Variants in ATAD3B observed in about 807,000 individuals in gnomAD.
The protein encoded by ATAD3B is ATPase family AAA domain-containing protein 3B.
A neutral mutation model predicts 70.2 loss-of-function variants in ATAD3B; 59 were observed. The ratio of observed to expected loss-of-function variants is 0.84; its 90% CI spans 0.68 to 1.04. ATAD3B has a LOEUF of 1.04. Ranked by LOEUF, ATAD3B falls within the 50% of genes least tolerant of loss-of-function variation. ATAD3B has a pLI of 0.00. For missense variants in ATAD3B, 961 were observed against 913.4 expected (o/e 1.05, Z -0.67); for synonymous variants, 423 against 388.6 (o/e 1.09, Z -1.04).
the ATAD3B span, among the ~76,000 whole-genome samples, chr1:1,504,859 T>C: frequency 6.6e-6 from 1 of 152,064 alleles, no homozygotes; most frequent in Non-Finnish European, 1.5e-5. Context: ...ACAAGGATGC[T>C]CATCCTGCAC....
chr1:1,495,979 G>A lies in ATAD3B; in HGVS notation c.*162G>A. 3 of 1,381,320 alleles carry A rather than the reference G, an allele frequency of 2.2e-6. 1 individual carries two copies. Among genetic ancestry groups the A allele is most frequent in the Non-Finnish European group, 2.8e-6 (3 of 1,069,756 alleles). The allele number at this position is 1,381,320 out of a possible 1,614,324, so 85.6% of individuals were successfully genotyped here. A position where few individuals can be genotyped will look rare whatever the true frequency, so the allele number is the denominator to read the frequency against. On this transcript the variant is annotated 3_prime_UTR_variant, in exon 16 of 16. Coordinates refer to ENST00000673477, the MANE Select transcript of ATAD3B (RefSeq NM_031921.6). ...TGGCTGAGCCCCTGGGGCAGAAGGA[G>A]TGGGGCAGGCGGGGTCTTTGTTCTC...
chr1:1,482,832 C>T, intron 7 of ATAD3B: 1 of 673,294 alleles, frequency 1.5e-6, no homozygotes, highest in Non-Finnish European at 2.6e-6. Flanking sequence ...GGTGAGACCC[C>T]ATCTCTACGA....
the ATAD3B span, among the ~76,000 whole-genome samples, chr1:1,504,303 A>C: frequency 6.6e-6 from 1 of 151,932 alleles, no homozygotes; most frequent in Non-Finnish European, 1.5e-5. Flanking sequence ...TTCAGTCCTG[A>C]GTTCACAGGC....
In ATAD3B at chr1:1,496,005, G is replaced by A. The variant is rs566186657; in HGVS notation, c.*188G>A. 7 of 1,350,828 alleles carry A rather than the reference G, an allele frequency of 5.2e-6. No homozygotes were observed. Among genetic ancestry groups the A allele is most frequent in the Admixed American group, 6.4e-5 (2 of 31,420 alleles). The allele number at this position is 1,350,828 out of a possible 1,614,324, so 83.7% of individuals were successfully genotyped here. On this transcript the variant is annotated 3_prime_UTR_variant, in exon 16 of 16. Transcript: ENST00000673477. ...TGGGGCAGGCGGGGTCTTTGTTCTCGGCTCCCACAGCAGAGCCAGGTGAGG... is the reference window on the plus strand; with the variant it reads ...TGGGGCAGGCGGGGTCTTTGTTCTCAGCTCCCACAGCAGAGCCAGGTGAGG...
At chr1:1,478,176 T>C (rs1639696555) in intron 2 of ATAD3B, 1 of 271,376 alleles carries the variant, frequency 3.7e-6, no homozygotes, top group South Asian at 5.3e-5. Context: ...TTTGTATTTT[T>C]AGTAGAGAAG....
rs577020592 is a variant in ATAD3B at position 1,479,847 on chromosome 1, G to A, written c.444+739G>A. Among the ~76,000 whole-genome samples the A allele has an allele frequency of 1.3e-4, 13 of 101,180 alleles. No individual in the cohort carries two copies. In the East Asian group the frequency reaches 3.2e-3, roughly 25 times the overall value. The allele number at this position is 101,180 out of a possible 152,430, so 66.4% of individuals were successfully genotyped here. ...ATACCCCTTCACACAGGCACACACC[G>A]CCCCGCACACACGGGCCTGCACACA... On this transcript the variant is annotated intron_variant, in intron 4 of 15. Coordinates refer to ENST00000673477, the MANE Select transcript of ATAD3B (RefSeq NM_031921.6).
chr1:1,506,014 C>G, the ATAD3B span, among the ~76,000 whole-genome samples: 4 of 152,110 alleles, frequency 2.6e-5, no homozygotes, highest in Admixed American at 6.6e-5. Context: ...GGGTGGAGCA[C>G]CTGAGGTCAG....
At chr1:1,492,486 AAAT>A (rs977197566) in intron 15 of ATAD3B, among the ~76,000 whole-genome samples, 6 of 151,148 alleles carry the variant, frequency 4.0e-5, no homozygotes, top group African/African-American at 9.7e-5. Flanking sequence ...ACTGTCTCAA[AAAT>A]AATAATAAGA....
At chr1:1,501,661 G>C (rs1640948078), downstream of ATAD3B, among the ~76,000 whole-genome samples, 1 of 152,098 alleles carries the variant, frequency 6.6e-6, no homozygotes. Flanking sequence ...AGAGTGCAGG[G>C]ATTACAGGTG....
the ATAD3B span, chr1:1,509,233 T>C: frequency 6.8e-6 from 11 of 1,612,696 alleles, no homozygotes; most frequent in Non-Finnish European, 9.3e-6. Flanking sequence ...GAGGACGGGG[T>C]CCTGACCGAG....
chr1:1,508,318 G>A, the ATAD3B span, among the ~76,000 whole-genome samples: 2 of 151,294 alleles, frequency 1.3e-5, no homozygotes, highest in Admixed American at 1.3e-4. Flanking sequence ...CAGAGGGGAC[G>A]GGCACCACGT....
In ATAD3B at chr1:1,477,319, C is replaced by T. The variant is rs144497634; in HGVS notation, c.251C>T (p.Thr84Met). The T allele has an allele frequency of 6.8e-5, 109 of 1,612,260 alleles. 2 individuals carry two copies. Among genetic ancestry groups the T allele is most frequent in the Middle Eastern group, 2.1e-4 (1 of 4,858 alleles). Residue 84 changes from threonine to methionine, a missense_variant, in exon 2 of 16, where the codon ACG becomes ATG. Around this residue, in one of 4 missense-constraint regions of ATAD3B, gnomAD observed 187 missense variants for 244.3 expected, o/e 0.77. Coordinates refer to ENST00000673477, the MANE Select transcript of ATAD3B (RefSeq NM_031921.6). Reference protein sequence around the residue: ...ALNLAQMQEQTLQLEQQSKLK... With the variant: ...ALNLAQMQEQMLQLEQQSKLK... ...AATCTGGCGCAGATGCAGGAGCAGA[C>T]GCTGCAGTTGGAGCAACAGTCCAAG...
chr1:1,507,034 G>A, the ATAD3B span, among the ~76,000 whole-genome samples: 16 of 151,712 alleles, frequency 1.1e-4, no homozygotes, highest in Admixed American at 7.2e-4. Context: ...TGATCTGCCC[G>A]CTTCAGCCTC....
In ATAD3B at chr1:1,471,953, G is replaced by C. The variant is rs1639346209; in HGVS notation, c.69G>C (p.Pro23=). 3.2e-6 allele frequency: 4 copies of C among 1,238,612 alleles called. No homozygotes were observed. The highest frequency in any genetic ancestry group is 4.1e-6 in the Non-Finnish European group (4 of 986,562). 76.7% of individuals were successfully genotyped at this position (1,238,612 alleles called of 1,614,324 possible). A position where few individuals can be genotyped will look rare whatever the true frequency, so the allele number is the denominator to read the frequency against. Reference sequence around the variant, plus strand: ...GCGCGGGGCCGCCGCCGCCTTTGCCGCCCGCGCAGCCCGGGGCCGAGGGCG... The same window carrying C: ...GCGCGGGGCCGCCGCCGCCTTTGCCCCCCGCGCAGCCCGGGGCCGAGGGCG... ...GEGAGPPPPL[P]PAQPGAEGGG... The change falls in exon 1 of 16, where the codon CCG becomes CCC. Residue 23 remains proline (P), a synonymous_variant. Transcript: ENST00000673477.
At chr1:1,493,517 A>G (rs1029341410) in intron 15 of ATAD3B, among the ~76,000 whole-genome samples, 7 of 151,756 alleles carry the variant, frequency 4.6e-5, no homozygotes, top group African/African-American at 1.5e-4. Flanking sequence ...GGGTTTCACC[A>G]TGTTGGCCAG....
the ATAD3B span, among the ~76,000 whole-genome samples, chr1:1,507,016 T>A: frequency 2.3e-3 from 346 of 152,120 alleles, 2 homozygotes; most frequent in Middle Eastern, 3.4e-3. Context: ...CTCGATCCCC[T>A]GACTTCGTGA....
chr1:1,477,000 T>A (rs374372774), intron 1 of ATAD3B, among the ~76,000 whole-genome samples: 4 of 151,890 alleles, frequency 2.6e-5, no homozygotes, highest in African/African-American at 9.7e-5. Context: ...GGAGACAGGA[T>A]TTCGCCATGT....
chr1:1,471,787 G>T lies in ATAD3B; in HGVS notation c.-98G>T, dbSNP rs1639334347. The T allele has an allele frequency of 8.2e-7, 1 of 1,221,584 alleles. No individual in the cohort carries two copies. Among genetic ancestry groups the T allele is most frequent in the Non-Finnish European group, 1.0e-6 (1 of 978,028 alleles). The allele number at this position is 1,221,584 out of a possible 1,614,324, so 75.7% of individuals were successfully genotyped here. ...TGTGTTTCGCCTGCGCAGTGGTCCTGGCCACCGGCTCGCGGCGCGTGGAGG... is the reference window on the plus strand; with the variant it reads ...TGTGTTTCGCCTGCGCAGTGGTCCTTGCCACCGGCTCGCGGCGCGTGGAGG... On this transcript the variant is annotated 5_prime_UTR_variant, in exon 1 of 16. Transcript: ENST00000673477.
intron 1 of ATAD3B, among the ~76,000 whole-genome samples, chr1:1,472,293 C>T (rs1248560315): frequency 1.3e-5 from 2 of 152,000 alleles, no homozygotes; most frequent in Non-Finnish European, 2.9e-5. Context: ...CTGCAGCTGT[C>T]AGGAGCGGGT....
Sources: gnomAD v4.1 joint callset for allele counts (sites outside exome capture counted in the v4.1 genomes callset) on GRCh38, gnomAD v4.1.1 for gene constraint, gnomAD v4.1.1 regional missense constraint, MANE v1.5 for transcripts, NCBI Gene and HGNC (gene_info 2026-07-23, HGNC 2026-07-21) for gene names.